The following PSAP variants were observed in gnomAD, a reference collection of about 807,000 sequenced individuals.
PSAP encodes the protein prosaposin.
In PSAP, 25 loss-of-function variants were observed where a neutral mutation model predicts 66.0. That is an observed-to-expected ratio of 0.38 (90% CI 0.28 to 0.53). The LOEUF (loss-of-function observed/expected upper bound fraction) is 0.53, where lower values mean the gene tolerates loss of function less well. Among genes scored for constraint, PSAP ranks in the 20% least tolerant of loss-of-function variants. The probability of loss-of-function intolerance (pLI) is 0.83; values close to 1 mark genes in which losing one functional copy is unlikely to be tolerated. For synonymous variants in PSAP, 273 were observed against 258.9 expected, an observed-to-expected ratio of 1.05 and a Z score of -0.52; for missense variants, 649 against 668.8, an observed-to-expected ratio of 0.97 and a Z score of 0.33.
At position 71,821,937 on chromosome 10, in the gene PSAP, A is replaced by G. The variant is rs942158460; in HGVS notation, c.848T>C (p.Val283Ala). The G allele has an allele frequency of 6.2e-7, 1 of 1,614,048 alleles. No homozygotes were observed. Among genetic ancestry groups the G allele is most frequent in the Non-Finnish European group, 8.5e-7 (1 of 1,180,022 alleles). ...EVKEMPMQTL[V>A]PAKVASKNVI... is the part of the protein sequence containing the mutation. ...ATTCTTGGAGGCCACTTTGGCGGGG[A>G]CCAGAGTCTGCATGGGCATCTCTTT... Residue 283 changes from valine (V) to alanine (A), a missense_variant, in exon 8 of 14, where the codon GTC (valine) becomes GCC (alanine). Physicochemically the swap from Val to Ala is moderately conservative, Grantham distance 64. Coordinates refer to ENST00000394936, the MANE Select transcript of PSAP (RefSeq NM_002778.4).
At chr10:71,841,118 G>A (rs1436537658) in intron 1 of PSAP, among the ~76,000 whole-genome samples, 1 of 152,220 alleles carries the variant, frequency 6.6e-6, no homozygotes, top group Non-Finnish European at 1.5e-5. Flanking sequence ...AGTGGAGGCA[G>A]GGGTCAGAGG....
At chr10:71,825,525 C>T (rs1312053469) in intron 7 of PSAP, among the ~76,000 whole-genome samples, 1 of 152,226 alleles carries the variant, frequency 6.6e-6, no homozygotes, top group Non-Finnish European at 1.5e-5. Context: ...GAGCACTTGA[C>T]TTCTACAGAT....
In PSAP at chr10:71,817,418, G is replaced by A; in HGVS notation, c.*23C>T. ...GAAAAAAACCAATGCTGTGGTTTCTGCCAAGATGGAATATTCCTCCTCCTA... is the reference window on the plus strand; with the variant it reads ...GAAAAAAACCAATGCTGTGGTTTCTACCAAGATGGAATATTCCTCCTCCTA... On this transcript the variant is annotated 3_prime_UTR_variant, in exon 14 of 14. Coordinates refer to ENST00000394936, the MANE Select transcript of PSAP (RefSeq NM_002778.4). 4 of 1,613,114 alleles carry A rather than the reference G, an allele frequency of 2.5e-6. No individual in the cohort carries two copies. The highest frequency in any genetic ancestry group is 3.4e-6 in the Non-Finnish European group (4 of 1,179,050).
chr10:71,838,821 G>A (rs1488351394), intron 1 of PSAP, among the ~76,000 whole-genome samples: 1 of 152,062 alleles, frequency 6.6e-6, no homozygotes, highest in African/African-American at 2.4e-5. Context: ...AAGCAAACAA[G>A]CAGAAACAAA....
chr10:71,825,863 T>C lies in PSAP; in HGVS notation c.751A>G (p.Ile251Val). The C allele has an allele frequency of 6.2e-7, 1 of 1,613,740 alleles. No individual in the cohort carries two copies. Among genetic ancestry groups the C allele is most frequent in the South Asian group, 1.1e-5 (1 of 91,074 alleles). Residue 251 changes from isoleucine (I) to valine (V), a missense_variant, in exon 7 of 14, where the codon ATT (isoleucine) becomes GTT (valine). Transcript: ENST00000394936. ...ATGTGCATCATCATCTGGATAGCAA[T>C]TTCAGAATACTGGCTGATATAGTTC... ...CKNYISQYSE[I>V]AIQMMMHMQP...
rs1842188166 is a variant in PSAP at position 71,817,338 on chromosome 10, T to A, written c.*103A>T. On this transcript the variant is annotated 3_prime_UTR_variant, in exon 14 of 14. Transcript: ENST00000394936. ...AAATGGGGGAGGTGGGGGAGCCCTA[T>A]TTTTATAACAAAGTCAAACAGATCT... The A allele has an allele frequency of 1.5e-6, 2 of 1,317,564 alleles. No homozygotes were observed. The highest frequency in any genetic ancestry group is 2.9e-5 in the African/African-American group (2 of 68,936). The allele number at this position is 1,317,564 out of a possible 1,614,324, so 81.6% of individuals were successfully genotyped here. A position where few individuals can be genotyped will look rare whatever the true frequency, so the allele number is the denominator to read the frequency against.
intron 7 of PSAP, among the ~76,000 whole-genome samples, chr10:71,823,576 T>C (rs1243178860): frequency 1.3e-5 from 2 of 152,206 alleles, no homozygotes; most frequent in African/African-American, 2.4e-5. Flanking sequence ...GGGCCACCCA[T>C]GGTTCCCCAT....
chr10:71,826,665 C>G (rs1209075436), intron 6 of PSAP, among the ~76,000 whole-genome samples: 1 of 151,212 alleles, frequency 6.6e-6, no homozygotes, highest in Non-Finnish European at 1.5e-5. Context: ...TGTTTGAGCC[C>G]AGGAGGTAAA....
At position 71,826,022 on chromosome 10, in the gene PSAP, T is replaced by G. The variant is rs1842394460; in HGVS notation, c.721-129A>C. On this transcript the variant is annotated intron_variant, in intron 6 of 13. Transcript: ENST00000394936. ...ATCAAGCAAGTTTCTAAAGTAGAAT[T>G]TTATGAATGTCTGCTCTGGGCCAGC... 4 of 767,334 alleles carry G rather than the reference T, an allele frequency of 5.2e-6. No individual in the cohort carries two copies. In the Admixed American group the frequency reaches 8.1e-5, roughly 16 times the overall value. 47.5% of individuals were successfully genotyped at this position (767,334 alleles called of 1,614,324 possible).
chr10:71,840,388 T>A (rs1842713844), intron 1 of PSAP, among the ~76,000 whole-genome samples: 1 of 152,108 alleles, frequency 6.6e-6, no homozygotes, highest in Admixed American at 6.5e-5. Context: ...TGCACTTCCA[T>A]CCCCTAAGAG....
At position 71,818,543 on chromosome 10, in the gene PSAP, C is replaced by T. The variant is rs1379772775; in HGVS notation, c.1539+74G>A. On this transcript the variant is annotated intron_variant, in intron 13 of 13. Coordinates refer to ENST00000394936, the MANE Select transcript of PSAP (RefSeq NM_002778.4). ...GGTGGAGAGTTGATCACTGGGTTCC[C>T]ATTAAAGCAGGATTCTCACACAGGC... The T allele has an allele frequency of 3.9e-6, 5 of 1,273,086 alleles. No homozygotes were observed. In the East Asian group the frequency reaches 1.2e-4, roughly 29 times the overall value. 78.9% of individuals were successfully genotyped at this position (1,273,086 alleles called of 1,614,324 possible).
At chr10:71,833,016 C>CAAAAAAAAAAAAAAAAAAAAAAAAAAAAA (rs781415981) in intron 2 of PSAP, among the ~76,000 whole-genome samples, 1 of 50,708 alleles carries the variant, frequency 2.0e-5, no homozygotes, top group African/African-American at 8.5e-5. Context: ...GAGTCCATCT[C>CAAAAAAAAAAAAAAAAAAAAAAAAAAAAA]AAAAAAAAAA....
At chr10:71,820,626 C>G (rs1242299232) in intron 8 of PSAP, among the ~76,000 whole-genome samples, 1 of 151,816 alleles carries the variant, frequency 6.6e-6, no homozygotes, top group Non-Finnish European at 1.5e-5. Flanking sequence ...CCCCGAAGAG[C>G]TGTCCTGATG....
intron 1 of PSAP, among the ~76,000 whole-genome samples, chr10:71,835,821 G>GAAAAAA (rs758665607): frequency 4.5e-4 from 22 of 49,312 alleles, no homozygotes; most frequent in East Asian, 1.1e-3. Context: ...GTCTGAGACA[G>GAAAAAA]AAAAAAAAAA....
At chr10:71,831,060 C>T (rs1842501947) in intron 4 of PSAP, 66 bp downstream of exon 4, 3 of 1,605,002 alleles carry the variant, frequency 1.9e-6, no homozygotes, top group Admixed American at 1.7e-5. Context: ...TCAATCTACT[C>T]TGGGCCACTG....
intron 2 of PSAP, among the ~76,000 whole-genome samples, 161 bp from the exon 3 acceptor site, chr10:71,832,081 T>C (rs1842532700): frequency 6.6e-6 from 1 of 152,146 alleles, no homozygotes; most frequent in African/African-American, 2.4e-5. Context: ...TGAGCAGCGC[T>C]GGGGCACGGC....
chr10:71,828,258 C>T, intron 5 of PSAP, 101 bp from the exon 6 acceptor site: 1 of 1,277,554 alleles, frequency 7.8e-7, no homozygotes, highest in South Asian at 1.2e-5. Flanking sequence ...CACTTGCTGA[C>T]CAGTTCCTAA....
At chr10:71,836,116 T>C (rs1483962701) in intron 1 of PSAP, among the ~76,000 whole-genome samples, 1 of 152,182 alleles carries the variant, frequency 6.6e-6, no homozygotes, top group African/African-American at 2.4e-5. Context: ...ATTCATCTGC[T>C]GCCCAGATTA....
intron 1 of PSAP, among the ~76,000 whole-genome samples, chr10:71,846,318 TA>T (rs559169935): frequency 7.9e-4 from 120 of 152,118 alleles, no homozygotes; most frequent in African/African-American, 2.7e-3. Context: ...GCCACAAAGT[TA>T]TTTTTTTGGA....
Sources: gnomAD v4.1 joint callset for allele counts (sites outside exome capture counted in the v4.1 genomes callset) on GRCh38, gnomAD v4.1.1 for gene constraint, MANE v1.5 for transcripts, NCBI Gene and HGNC (gene_info 2026-07-23, HGNC 2026-07-21) for gene names.